Variants in ST18 observed in about 807,000 individuals in gnomAD.
ST18 encodes suppression of tumorigenicity 18 protein.
A neutral mutation model predicts 110.0 loss-of-function variants in ST18; 50 were observed. The ratio of observed to expected loss-of-function variants is 0.45; its 90% CI spans 0.36 to 0.58. ST18 has a LOEUF of 0.58. Ranked by LOEUF, ST18 falls within the 20% of genes least tolerant of loss-of-function variation. The pLI is 0.00. For missense variants in ST18, 1,306 were observed against 1,280.1 expected, an observed-to-expected ratio of 1.02 and a Z score of -0.31; for synonymous variants, 461 against 452.4, an observed-to-expected ratio of 1.02 and a Z score of -0.24.
chr8:52,177,491 C>T (rs538734195), intron 9 of ST18, among the ~76,000 whole-genome samples: 1 of 152,210 alleles, frequency 6.6e-6, no homozygotes, highest in East Asian at 1.9e-4. Context: ...AGATGAAAAG[C>T]CCTATGCTGA....
At chr8:52,156,215 G>C (rs368175625) in intron 15 of ST18, among the ~76,000 whole-genome samples, 1 of 152,190 alleles carries the variant, frequency 6.6e-6, no homozygotes, top group Admixed American at 6.5e-5. Flanking sequence ...GTCTATGACT[G>C]ACCCTAACCT....
chr8:52,244,762 C>A (rs1210507942), intron 2 of ST18, among the ~76,000 whole-genome samples: 1 of 152,118 alleles, frequency 6.6e-6, no homozygotes, highest in African/African-American at 2.4e-5. Context: ...TTTAACCATG[C>A]CTGCCAAACC....
intron 15 of ST18, among the ~76,000 whole-genome samples, chr8:52,153,114 T>C (rs1266074307): frequency 1.3e-5 from 2 of 152,270 alleles, no homozygotes; most frequent in Non-Finnish European, 2.9e-5. Context: ...AACATTATAT[T>C]GTTTTAGCAA....
intron 22 of ST18, among the ~76,000 whole-genome samples, chr8:52,128,414 G>A (rs1586461035): frequency 1.3e-5 from 2 of 152,214 alleles, no homozygotes; most frequent in Middle Eastern, 3.4e-3. Context: ...AATGAGTTCT[G>A]TCAATCACAG....
intron 15 of ST18, among the ~76,000 whole-genome samples, chr8:52,150,187 A>G (rs1419074572): frequency 6.6e-6 from 1 of 152,186 alleles, no homozygotes; most frequent in Non-Finnish European, 1.5e-5. Context: ...TTCTGGGTTT[A>G]AACAAAGTAA....
chr8:52,153,993 A>G (rs2132703762), intron 15 of ST18, among the ~76,000 whole-genome samples: 1 of 152,304 alleles, frequency 6.6e-6, no homozygotes, highest in East Asian at 1.9e-4. Flanking sequence ...TGTTTTTCCA[A>G]CTTCTACTTT....
At chr8:52,114,244 A>G (rs936971782) in intron 25 of ST18, among the ~76,000 whole-genome samples, 2 of 152,082 alleles carry the variant, frequency 1.3e-5, no homozygotes, top group African/African-American at 2.4e-5. Context: ...TGCTGGGATT[A>G]CAGGTGTGAG....
chr8:52,175,911 A>G (rs2066728729), intron 9 of ST18, among the ~76,000 whole-genome samples: 1 of 152,234 alleles, frequency 6.6e-6, no homozygotes, highest in African/African-American at 2.4e-5. Context: ...TTTTGGAAAC[A>G]CAGCGACCCT....
chr8:52,252,092 A>G (rs945490801), intron 2 of ST18, among the ~76,000 whole-genome samples: 6 of 152,096 alleles, frequency 3.9e-5, no homozygotes, highest in African/African-American at 1.4e-4. Flanking sequence ...GTCAACCTAA[A>G]GAGTTATATA....
intron 22 of ST18, among the ~76,000 whole-genome samples, chr8:52,130,124 AAAG>A (rs748748054): frequency 0.03 from 3,137 of 104,176 alleles, 50 homozygotes; most frequent in Non-Finnish European, 0.049. Context: ...GAAAGAAAAG[AAAG>A]AAAGAAAGAA....
At chr8:52,161,352 C>T (rs767051204) in intron 14 of ST18, 23 bp downstream of exon 14, 78 of 1,605,454 alleles carry the variant, frequency 4.9e-5, no homozygotes, top group Non-Finnish European at 6.0e-5. Context: ...TTTGGGGAAA[C>T]GGCATTAGAG....
intron 2 of ST18, among the ~76,000 whole-genome samples, chr8:52,238,298 T>C (rs1325926541): frequency 6.6e-6 from 1 of 151,824 alleles, no homozygotes; most frequent in Admixed American, 6.6e-5. Context: ...TAGCCAAAAA[T>C]TGGAAACAAC....
chr8:52,383,878 G>A (rs1196890061), intron 2 of ST18, among the ~76,000 whole-genome samples: 1 of 152,210 alleles, frequency 6.6e-6, no homozygotes, highest in Non-Finnish European at 1.5e-5. Flanking sequence ...CTCCTGAGTA[G>A]CTGGGACTAT....
rs2062188151 is a variant in ST18 at position 52,164,098 on chromosome 8, A to G, written c.1296-8T>C. Reference sequence around the variant, plus strand: ...ATTGGACAACCAGAAAGACTGTTTAAAAAAAGAAACACAGGAGGATTTTAG... The same window carrying G: ...ATTGGACAACCAGAAAGACTGTTTAGAAAAAGAAACACAGGAGGATTTTAG... On this transcript the variant is annotated splice_region_variant and splice_polypyrimidine_tract_variant and intron_variant, in intron 12 of 25. Coordinates refer to ENST00000689386, the MANE Select transcript of ST18 (RefSeq NM_001352837.2). 1 of 1,610,688 alleles carries G rather than the reference A, an allele frequency of 6.2e-7. No homozygotes were observed. The highest frequency in any genetic ancestry group is 8.5e-7 in the Non-Finnish European group (1 of 1,177,000).
chr8:52,124,004 C>T (rs961545271), intron 23 of ST18, among the ~76,000 whole-genome samples: 5 of 152,200 alleles, frequency 3.3e-5, no homozygotes, highest in South Asian at 2.1e-4. Flanking sequence ...CTTACTACCA[C>T]GTGATTCACA....
chr8:52,176,470 C>T (rs2067001654), intron 9 of ST18, among the ~76,000 whole-genome samples: 1 of 152,192 alleles, frequency 6.6e-6, no homozygotes, highest in Non-Finnish European at 1.5e-5. Flanking sequence ...AGGGTCAGCT[C>T]TTGGGAGGGC....
Position 52,386,256 on chromosome 8 carries a change from T to A in ST18, c.-465+23072A>T, listed in dbSNP as rs1194262463. On this transcript the variant is annotated intron_variant, in intron 2 of 25. Transcript: ENST00000689386. ...ATTATACAATTTTAAAGTAAATTTT[T>A]AAAAATTTTAAAGTAAGAAATGCAC... Among the ~76,000 whole-genome samples the A allele has an allele frequency of 2.6e-5, 4 of 152,224 alleles. No homozygotes were observed. In the East Asian group the frequency reaches 5.8e-4, roughly 22 times the overall value.
At position 52,214,183 on chromosome 8, in the gene ST18, G is replaced by A. The variant is rs367665893; in HGVS notation, c.55+20C>T. 4.3e-6 allele frequency: 7 copies of A among 1,613,726 alleles called. No individual in the cohort carries two copies. In the African/African-American group the frequency reaches 8.0e-5, roughly 18 times the overall value. ...ATGGTGTGGTGGGCATAGTGTCATAGAACCTGCTTGCTAACTCACCCTCGG... is the reference window on the plus strand; with the variant it reads ...ATGGTGTGGTGGGCATAGTGTCATAAAACCTGCTTGCTAACTCACCCTCGG... On this transcript the variant is annotated intron_variant, in intron 7 of 25. Transcript: ENST00000689386.
chr8:52,336,689 C>T (rs995768694), intron 2 of ST18, among the ~76,000 whole-genome samples: 4 of 152,172 alleles, frequency 2.6e-5, no homozygotes, highest in South Asian at 2.1e-4. Context: ...GACCTAGTGA[C>T]GTCTTGCTTC....
Sources: allele counts gnomAD v4.1 joint callset (sites outside exome capture counted in the v4.1 genomes callset), GRCh38; gene constraint gnomAD v4.1.1; transcripts MANE v1.5; gene names NCBI Gene and HGNC (gene_info 2026-07-23, HGNC 2026-07-21).